Variants in TTLL5 observed in about 807,000 individuals in gnomAD.
TTLL5 encodes tubulin tyrosine ligase like 5.
In TTLL5, 132 loss-of-function variants were observed where a neutral mutation model predicts 168.4. That is an observed-to-expected ratio of 0.78 (90% CI 0.68 to 0.91). The LOEUF is 0.91. Among genes scored for constraint, TTLL5 ranks in the 40% least tolerant of loss-of-function variants. The pLI is 0.00. For missense variants in TTLL5, 1,545 were observed against 1,581.5 expected (o/e 0.98, Z 0.39); for synonymous variants, 546 against 558.6 (o/e 0.98, Z 0.32).
intron 7 of TTLL5, 31 bp downstream of exon 7, chr14:75,699,301 C>T (rs1222175857): frequency 6.4e-7 from 1 of 1,570,846 alleles, no homozygotes; most frequent in East Asian, 2.2e-5. Flanking sequence ...AAACCTCTCT[C>T]CTCACTTGTT....
Position 75,930,542 on chromosome 14 carries a change from A to G in TTLL5, c.3824-23882A>G, listed in dbSNP as rs1336095223. 12 of 932,032 alleles carry G rather than the reference A, an allele frequency of 1.3e-5. No homozygotes were observed. The Admixed American group carries it at 6.2e-4, about 48-fold the overall frequency. The allele number at this position is 932,032 out of a possible 1,614,324, so 57.7% of individuals were successfully genotyped here. On this transcript the variant is annotated intron_variant, in intron 31 of 31. Coordinates refer to ENST00000298832, the MANE Select transcript of TTLL5 (RefSeq NM_015072.5). ...ACACTTCTAGTCACAAGCATTTTGA[A>G]TAAAGGATAATCAGCCTGTATATAT...
chr14:75,832,962 A>AG (rs1422695984), intron 28 of TTLL5, among the ~76,000 whole-genome samples: 1 of 152,140 alleles, frequency 6.6e-6, no homozygotes, highest in Admixed American at 6.5e-5. Flanking sequence ...TTAGGGCAGC[A>AG]GGCTTGTCCA....
At chr14:75,699,149 T>C in intron 6 of TTLL5, 39 bp from the exon 7 acceptor site, 1 of 1,558,932 alleles carries the variant, frequency 6.4e-7, no homozygotes, top group Non-Finnish European at 8.8e-7. Flanking sequence ...TTCTTTTTCT[T>C]TGTTTCCTCT....
chr14:75,851,951 A>G (rs968105114), intron 28 of TTLL5, among the ~76,000 whole-genome samples: 6 of 152,230 alleles, frequency 3.9e-5, no homozygotes, highest in Non-Finnish European at 7.3e-5. Flanking sequence ...AAGAATGTTA[A>G]TAATAGCTAA....
intron 18 of TTLL5, among the ~76,000 whole-genome samples, chr14:75,763,071 A>G (rs1465892543): frequency 6.6e-6 from 1 of 152,200 alleles, no homozygotes; most frequent in Non-Finnish European, 1.5e-5. Context: ...TGTCGGTGTT[A>G]AGCTATGCCC....
At chr14:75,748,491 G>T (rs977359972) in intron 17 of TTLL5, among the ~76,000 whole-genome samples, 1 of 152,144 alleles carries the variant, frequency 6.6e-6, no homozygotes, top group Non-Finnish European at 1.5e-5. Context: ...GACAGCTGTG[G>T]TGCAGATATT....
chr14:75,692,136 G>A (rs189223164), intron 6 of TTLL5, among the ~76,000 whole-genome samples: 8 of 152,254 alleles, frequency 5.3e-5, no homozygotes, highest in Admixed American at 3.9e-4. Flanking sequence ...CTTAATGTCC[G>A]CATCTATAAA....
intron 18 of TTLL5, among the ~76,000 whole-genome samples, chr14:75,755,180 G>A (rs988690646): frequency 2.0e-5 from 3 of 151,878 alleles, no homozygotes; most frequent in African/African-American, 4.8e-5. Context: ...CAGGAGAATC[G>A]CTTGAACCTG....
chr14:75,833,027 G>A (rs923625877), intron 28 of TTLL5, among the ~76,000 whole-genome samples: 1 of 152,092 alleles, frequency 6.6e-6, no homozygotes, highest in Non-Finnish European at 1.5e-5. Context: ...TCTCCTCAGC[G>A]TGGCCACCTG....
intron 29 of TTLL5, among the ~76,000 whole-genome samples, chr14:75,871,283 G>A (rs2031012146): frequency 6.6e-6 from 1 of 152,142 alleles, no homozygotes; most frequent in Middle Eastern, 3.2e-3. Flanking sequence ...CGCAGTAAAT[G>A]CTTCCTGTGC....
chr14:75,709,042 C>A, intron 9 of TTLL5: 2 of 631,246 alleles, frequency 3.2e-6, no homozygotes, highest in Non-Finnish European at 5.7e-6. Context: ...TCAAAGCTGT[C>A]CTGGGCTGTA....
intron 31 of TTLL5, among the ~76,000 whole-genome samples, chr14:75,927,729 C>G (rs566921671): frequency 6.6e-6 from 1 of 152,288 alleles, no homozygotes; most frequent in Admixed American, 6.5e-5. Flanking sequence ...GTCCCTGGGC[C>G]TGGCCTCACT....
intron 28 of TTLL5, among the ~76,000 whole-genome samples, chr14:75,858,356 C>T (rs1256346443): frequency 6.6e-6 from 1 of 152,202 alleles, no homozygotes; most frequent in East Asian, 1.9e-4. Context: ...AAAGAAATGC[C>T]AGTGCTACTT....
At chr14:75,864,000 T>C (rs1284449615) in intron 29 of TTLL5, 138 bp downstream of exon 29, 10 of 849,756 alleles carry the variant, frequency 1.2e-5, no homozygotes, top group Non-Finnish European at 1.7e-5. Flanking sequence ...GGACAGCTCA[T>C]GGGGAGTCTA....
At chr14:75,672,560 T>C (rs1883832679) in intron 3 of TTLL5, among the ~76,000 whole-genome samples, 1 of 152,196 alleles carries the variant, frequency 6.6e-6, no homozygotes, top group Non-Finnish European at 1.5e-5. Flanking sequence ...TAGTATTTTG[T>C]TGAACATTTT....
chr14:75,800,234 T>G (rs1893218702), intron 27 of TTLL5, among the ~76,000 whole-genome samples: 2 of 152,164 alleles, frequency 1.3e-5, no homozygotes, highest in Admixed American at 1.3e-4. Flanking sequence ...CTGAAGTTCT[T>G]TCTTCTACTT....
intron 20 of TTLL5, among the ~76,000 whole-genome samples, chr14:75,769,368 A>G (rs1331093407): frequency 6.6e-6 from 1 of 152,230 alleles, no homozygotes; most frequent in Admixed American, 6.5e-5. Context: ...GAGCATCTGC[A>G]TAACCTTTTG....
chr14:75,902,175 C>T lies in TTLL5; in HGVS notation c.3774C>T (p.Leu1258=). ...GSSAEGQLNG[L]QSSLNPAAFV... ...CCGCGGAAGGGCAGCTGAATGGACT[C>T]CAGAGCAGCCTTAACCCTGCAGCCT... The change falls in exon 31 of 32, where the codon CTC becomes CTT. Residue 1258 remains leucine, a synonymous_variant. Coordinates refer to ENST00000298832, the MANE Select transcript of TTLL5 (RefSeq NM_015072.5). The T allele has an allele frequency of 1.2e-5, 20 of 1,614,162 alleles. No homozygotes were observed. The highest frequency in any genetic ancestry group is 1.5e-5 in the Non-Finnish European group (18 of 1,180,022).
intron 27 of TTLL5, among the ~76,000 whole-genome samples, chr14:75,801,666 C>G (rs979634424): frequency 1.3e-5 from 2 of 152,144 alleles, no homozygotes; most frequent in African/African-American, 4.8e-5. Context: ...CCTTTCCCTT[C>G]AGAGAAAGTG....
Sources: gnomAD v4.1 joint callset for allele counts (sites outside exome capture counted in the v4.1 genomes callset) on GRCh38, gnomAD v4.1.1 for gene constraint, MANE v1.5 for transcripts, NCBI Gene and HGNC (gene_info 2026-07-23, HGNC 2026-07-21) for gene names.